MYBPC1: variants seen among roughly 807,000 people sequenced by gnomAD.
MYBPC1 encodes the protein myosin-binding protein C, slow-type.
A neutral mutation model predicts 147.1 loss-of-function variants in MYBPC1; 52 were observed. The ratio of observed to expected loss-of-function variants is 0.35; its 90% CI spans 0.28 to 0.45. MYBPC1 has a LOEUF of 0.45. Ranked by LOEUF, MYBPC1 falls within the 20% of genes least tolerant of loss-of-function variation. MYBPC1 has a pLI of 1.00. For synonymous variants in MYBPC1, 477 were observed against 475.9 expected (o/e 1.00, Z -0.03); for missense variants, 1,228 against 1,440.3 (o/e 0.85, Z 2.39).
intron 1 of MYBPC1, among the ~76,000 whole-genome samples, chr12:101,601,540 A>G (rs545711246): frequency 6.6e-6 from 1 of 152,336 alleles, no homozygotes; most frequent in African/African-American, 2.4e-5. Context: ...TCTTTCTATA[A>G]TGAGTTCACA....
intron 12 of MYBPC1, among the ~76,000 whole-genome samples, chr12:101,646,474 T>C (rs950248519): frequency 1.3e-5 from 2 of 151,956 alleles, no homozygotes; most frequent in African/African-American, 2.4e-5. Flanking sequence ...TGAGACTCAG[T>C]CTTACAAAAA....
chr12:101,668,962 CTGT>C (rs1336144869), intron 23 of MYBPC1, among the ~76,000 whole-genome samples: 2 of 152,062 alleles, frequency 1.3e-5, no homozygotes, highest in African/African-American at 4.8e-5. Context: ...TGGCACACGC[CTGT>C]GGTCCCAGCT....
chr12:101,607,225 T>C (rs2135684023), intron 1 of MYBPC1, among the ~76,000 whole-genome samples: 1 of 152,312 alleles, frequency 6.6e-6, no homozygotes, highest in Non-Finnish European at 1.5e-5. Flanking sequence ...TGCTCGTGTC[T>C]GGGCATATGA....
chr12:101,661,406 A>G (rs1896527568), intron 20 of MYBPC1, 144 bp downstream of exon 20: 1 of 644,640 alleles, frequency 1.6e-6, no homozygotes. Context: ...TGAAATATAT[A>G]TGTTGAGATG....
chr12:101,695,806 A>C, the MYBPC1 span, among the ~76,000 whole-genome samples: 1 of 152,060 alleles, frequency 6.6e-6, no homozygotes, highest in Non-Finnish European at 1.5e-5. Context: ...TACTTCTTTT[A>C]TGTGAGAGAG....
intron 26 of MYBPC1, among the ~76,000 whole-genome samples, chr12:101,676,022 A>C (rs1899890806): frequency 6.6e-6 from 1 of 152,256 alleles, no homozygotes; most frequent in African/African-American, 2.4e-5. Context: ...CATGCAACCC[A>C]GGATGGCTTT....
In MYBPC1 at chr12:101,670,336, G is replaced by A. The variant is rs752587307; in HGVS notation, c.2540G>A (p.Arg847His). ...CCTCTCTCAGAACCTCCAAAGATTC[G>A]CATTCCAAGACACCTGAAGCAAACC... ...VKEIIEPPKI[R>H]IPRHLKQTYI... The change falls in exon 24 of 32, where the codon CGC (arginine) becomes CAC (histidine). Residue 847 changes from arginine to histidine, a missense_variant. By Grantham distance (29) the Arg-to-His change is conservative (BLOSUM62 0). Transcript: ENST00000361466. 7.4e-6 allele frequency: 12 copies of A among 1,613,796 alleles called. No individual in the cohort carries two copies. Among genetic ancestry groups the A allele is most frequent in the South Asian group, 4.4e-5 (4 of 91,076 alleles).
chr12:101,634,441 C>A, intron 8 of MYBPC1, 113 bp from the exon 9 acceptor site: 1 of 853,986 alleles, frequency 1.2e-6, no homozygotes, highest in Non-Finnish European at 2.0e-6. Context: ...GAAAAGCCTC[C>A]CCCCTTCACC....
At chr12:101,661,385 T>C in intron 20 of MYBPC1, 123 bp downstream of exon 20, 1 of 683,272 alleles carries the variant, frequency 1.5e-6, no homozygotes, top group South Asian at 1.5e-5. Flanking sequence ...TGTGACTTTA[T>C]GCATTCAAAA....
At position 101,682,748 on chromosome 12, in the gene MYBPC1, C is replaced by G. The variant is rs889539171; in HGVS notation, c.3492+86C>G. ...AATGCACCTTGCATGTAAAGCTTGA[C>G]TTTCTCATTTGCTTTTAATTGTACC... On this transcript the variant is annotated intron_variant, in intron 30 of 31. Coordinates refer to ENST00000361466, the MANE Select transcript of MYBPC1 (RefSeq NM_002465.4). The G allele has an allele frequency of 8.5e-6, 11 of 1,298,660 alleles. No homozygotes were observed. In the African/African-American group the frequency reaches 1.5e-4, roughly 17 times the overall value. The allele number at this position is 1,298,660 out of a possible 1,614,324, so 80.4% of individuals were successfully genotyped here.
downstream of MYBPC1, among the ~76,000 whole-genome samples, chr12:101,687,214 C>A (rs1000189816): frequency 1.3e-5 from 2 of 151,914 alleles, no homozygotes; most frequent in African/African-American, 4.8e-5. Context: ...CTAATGCTAT[C>A]CCTCCCCGCT....
At chr12:101,637,309 G>C (rs1377631717) in intron 10 of MYBPC1, among the ~76,000 whole-genome samples, 1 of 152,050 alleles carries the variant, frequency 6.6e-6, no homozygotes, top group Admixed American at 6.6e-5. Flanking sequence ...TAAAAGTTTA[G>C]TATCATCACA....
At chr12:101,670,986 T>TACAC (rs10640117) in intron 24 of MYBPC1, among the ~76,000 whole-genome samples, 1 of 150,946 alleles carries the variant, frequency 6.6e-6, no homozygotes, top group Admixed American at 6.6e-5. Context: ...CTTATACAAA[T>TACAC]ACACACACAC....
intron 14 of MYBPC1, among the ~76,000 whole-genome samples, chr12:101,648,603 C>G (rs1893727059): frequency 6.6e-6 from 1 of 152,138 alleles, no homozygotes; most frequent in Admixed American, 6.5e-5. Context: ...AGAAAAGTTT[C>G]TATTTGATTT....
At chr12:101,691,157 C>T in the MYBPC1 span, among the ~76,000 whole-genome samples, 77 of 152,256 alleles carry the variant, frequency 5.1e-4, no homozygotes, top group Non-Finnish European at 4.4e-4. Context: ...CTGTATCTTC[C>T]GCCTCCTGGG....
chr12:101,599,798 T>A (rs560554666), intron 1 of MYBPC1, among the ~76,000 whole-genome samples: 1 of 152,312 alleles, frequency 6.6e-6, no homozygotes, highest in Non-Finnish European at 1.5e-5. Flanking sequence ...AGAAGTTGTA[T>A]GAACGAATGC....
At chr12:101,638,297 C>CGG (rs1891388205) in intron 10 of MYBPC1, among the ~76,000 whole-genome samples, 7 of 152,160 alleles carry the variant, frequency 4.6e-5, no homozygotes, top group Non-Finnish European at 1.0e-4. Context: ...AAAAGAAATC[C>CGG]AGTGCCTGGC....
chr12:101,639,487 C>T (rs825061), intron 10 of MYBPC1, among the ~76,000 whole-genome samples: 30,108 of 152,040 alleles, frequency 0.2, 3,073 homozygotes, highest in Middle Eastern at 0.27. Context: ...CTTCTCTTTA[C>T]GATTTGAGAT....
At chr12:101,616,364 A>G (rs957953534) in intron 2 of MYBPC1, among the ~76,000 whole-genome samples, 2 of 152,174 alleles carry the variant, frequency 1.3e-5, no homozygotes, top group African/African-American at 4.8e-5. Context: ...TTTTCAGATC[A>G]GTTACTGCCA....
Sources: allele counts gnomAD v4.1 joint callset (sites outside exome capture counted in the v4.1 genomes callset), GRCh38; gene constraint gnomAD v4.1.1; transcripts MANE v1.5; gene names NCBI Gene and HGNC (gene_info 2026-07-23, HGNC 2026-07-21).